Variants in MMP21 observed in about 807,000 individuals in gnomAD.
MMP21 encodes matrix metalloproteinase-21.
Under a neutral mutation model 47.8 loss-of-function variants are expected in MMP21, and 40 were observed. The observed-to-expected ratio is 0.84, with a 90% CI of 0.65 to 1.09. The LOEUF (loss-of-function observed/expected upper bound fraction) is 1.09, where lower values mean the gene tolerates loss of function less well. Among genes scored for constraint, MMP21 ranks in the 50% least tolerant of loss-of-function variants. The pLI is 0.00. For missense variants in MMP21, 747 were observed against 775.3 expected (o/e 0.96, Z 0.43); for synonymous variants, 341 against 318.0 (o/e 1.07, Z -0.77).
Position 125,772,824 on chromosome 10 carries a change from C to T in MMP21, c.698-74G>A, listed in dbSNP as rs1352921760. ...CATACAGACTCCTCACCTAGGGGGT[C>T]CCCAGCCTCCAGGAGCCGGCAGCAG... On this transcript the variant is annotated intron_variant, in intron 2 of 6. Transcript: ENST00000368808. The surrounding 1 kb of genome is among the most constrained non-coding windows in gnomAD (Gnocchi z 5.6). 1 of 1,547,010 alleles carries T rather than the reference C, an allele frequency of 6.5e-7. No homozygotes were observed. Among genetic ancestry groups the T allele is most frequent in the Non-Finnish European group, 8.8e-7 (1 of 1,139,620 alleles).
chr10:125,767,754 G>A (rs773068756), intron 5 of MMP21, 50 bp from the exon 6 acceptor site: 9 of 1,571,950 alleles, frequency 5.7e-6, no homozygotes, highest in Admixed American at 1.7e-5. Flanking sequence ...ATTAAATCAC[G>A]TGACAAAAAG....
Position 125,772,403 on chromosome 10 carries a change from G to C in MMP21, c.838-44C>G. ...CATGGGTGCTGGGTGAAGCCTGGGC[G>C]ATGGATCCCTGCATAACAGACGCAG... On this transcript the variant is annotated intron_variant, in intron 3 of 6. Transcript: ENST00000368808. The surrounding 1 kb of genome is among the most constrained non-coding windows in gnomAD (Gnocchi z 5.6). The C allele has an allele frequency of 6.2e-7, 1 of 1,611,610 alleles. No homozygotes were observed. Among genetic ancestry groups the C allele is most frequent in the Non-Finnish European group, 8.5e-7 (1 of 1,178,790 alleles).
chr10:125,770,693 TC>T, intron 4 of MMP21, 102 bp from the exon 5 acceptor site: 1 of 1,352,960 alleles, frequency 7.4e-7, no homozygotes, highest in Non-Finnish European at 1.0e-6. Flanking sequence ...GCTGGGGCTT[TC>T]TATAAAAACA....
chr10:125,766,675 G>A lies in MMP21; in HGVS notation c.1697C>T (p.Thr566Ile). ...WFDVCDVHIS[T>I]LNM ...TACTTTTTCTTATTACATGTTCAGT[G>A]TGGAGATATGGACGTCACAAACATC... Residue 566 changes from threonine to isoleucine, a missense_variant, in exon 7 of 7, where the codon ACA (threonine) becomes ATA (isoleucine). By Grantham distance (89) the Thr-to-Ile change is moderately conservative. Transcript: ENST00000368808. 6.2e-7 allele frequency: 1 copy of A among 1,608,320 alleles called. No individual in the cohort carries two copies. Among genetic ancestry groups the A allele is most frequent in the Non-Finnish European group, 8.5e-7 (1 of 1,177,890 alleles).
At position 125,767,551 on chromosome 10, in the gene MMP21, T is replaced by G; in HGVS notation, c.1391A>C (p.Tyr464Ser). ...AFYDRRQKLI[Y>S]FFKESLVFAF... is the part of the protein sequence containing the mutation. Reference sequence around the variant, plus strand: ...ACTTACAAGGGACTCCTTGAAGAAGTAAATTAACTTCTGTCTTCGGTCATA... The same window carrying G: ...ACTTACAAGGGACTCCTTGAAGAAGGAAATTAACTTCTGTCTTCGGTCATA... Residue 464 changes from tyrosine to serine, a missense_variant, in exon 6 of 7, where the codon TAC becomes TCC. Transcript: ENST00000368808. 6.2e-7 allele frequency: 1 copy of G among 1,614,154 alleles called. No homozygotes were observed. The highest frequency in any genetic ancestry group is 1.1e-5 in the South Asian group (1 of 91,084).
intron 5 of MMP21, 99 bp downstream of exon 5, chr10:125,770,235 A>T: frequency 8.1e-7 from 1 of 1,237,226 alleles, no homozygotes; most frequent in South Asian, 1.4e-5. Context: ...AAGTAATGAC[A>T]AGAGCATTAC....
intron 5 of MMP21, 143 bp downstream of exon 5, chr10:125,770,191 G>A: frequency 1.1e-6 from 1 of 882,796 alleles, no homozygotes; most frequent in Non-Finnish European, 1.8e-6. Flanking sequence ...TGCCCTCAGA[G>A]CTTCCAGTCT....
chr10:125,773,736 A>G lies in MMP21; in HGVS notation c.697+95T>C. ...CCCCCGGGACAGGCCGGGAGGGCTT[A>G]GCCCCCCATTCTGCAGGTGGCCGAG... On this transcript the variant is annotated intron_variant, in intron 2 of 6. Coordinates refer to ENST00000368808, the MANE Select transcript of MMP21 (RefSeq NM_147191.1). This position sits in a 1 kb window ranked among gnomAD's most constrained non-coding sequence, Gnocchi z 4.8. 1 of 1,410,318 alleles carries G rather than the reference A, an allele frequency of 7.1e-7. No homozygotes were observed. Among genetic ancestry groups the G allele is most frequent in the Non-Finnish European group, 9.2e-7 (1 of 1,084,786 alleles). The allele number at this position is 1,410,318 out of a possible 1,614,324, so 87.4% of individuals were successfully genotyped here. A position where few individuals can be genotyped will look rare whatever the true frequency, so the allele number is the denominator to read the frequency against.
rs1414228395 is a variant in MMP21 at position 125,772,174 on chromosome 10, A to T, written c.979+44T>A. The T allele has an allele frequency of 5.0e-6, 8 of 1,610,070 alleles. No homozygotes were observed. The African/African-American group carries it at 1.1e-4, about 22-fold the overall frequency. On this transcript the variant is annotated intron_variant, in intron 4 of 6. Coordinates refer to ENST00000368808, the MANE Select transcript of MMP21 (RefSeq NM_147191.1). The surrounding 1 kb of genome is among the most constrained non-coding windows in gnomAD (Gnocchi z 5.6). ...GGGGTCCTACAGTGCTCTGGAATAC[A>T]GTGTCCTCCGCTAGCTCAGGGATGC...
Position 125,774,031 on chromosome 10 carries a change from C to T in MMP21, c.497G>A (p.Gly166Glu), listed in dbSNP as rs760126531. The change falls in exon 2 of 7, where the codon GGA (glycine) becomes GAA (glutamate). Residue 166 changes from glycine (G) to glutamate (E), a missense_variant. Gly to Glu is a moderately conservative substitution (Grantham distance 98). Transcript: ENST00000368808. The part of the protein sequence containing the change: ...GWQPRGYPDG[G>E]AAQAFSKRTL... The stretch of plus-strand genomic sequence containing the variant: ...CCTCTTGGAGAAGGCCTGGGCAGCT[C>T]CGCCGTCGGGGTAGCCCCGGGGCTG... 6.7e-7 allele frequency: 1 copy of T among 1,501,338 alleles called. No homozygotes were observed. The highest frequency in any genetic ancestry group is 1.2e-5 in the South Asian group (1 of 80,948). The allele number at this position is 1,501,338 out of a possible 1,614,324, so 93.0% of individuals were successfully genotyped here. A position where few individuals can be genotyped will look rare whatever the true frequency, so the allele number is the denominator to read the frequency against.
rs1461763682 is a variant in MMP21, at chr10:125,767,521, C to A, written c.1410+11G>T. ...CAGAAGCATTGCTAGGCTGAAGAGC[C>A]TTCTACTTACAAGGGACTCCTTGAA... On this transcript the variant is annotated intron_variant, in intron 6 of 6. Transcript: ENST00000368808. 4 of 1,612,526 alleles carry A rather than the reference C, an allele frequency of 2.5e-6. No individual in the cohort carries two copies. The highest frequency in any genetic ancestry group is 3.4e-6 in the Non-Finnish European group (4 of 1,178,944).
intron 5 of MMP21, among the ~76,000 whole-genome samples, chr10:125,769,180 G>A (rs1275727380): frequency 6.6e-6 from 1 of 152,116 alleles, no homozygotes; most frequent in African/African-American, 2.4e-5. Flanking sequence ...CTCGTGCACC[G>A]GGTCCAGGGT....
Position 125,775,649 on chromosome 10 carries a change from C to A in MMP21, c.162+11G>T. ...CCTGGGGGTATTGCTGTTCTTCCAG[C>A]TTCCTCCTACCTGAGCAGCGTGGAG... On this transcript the variant is annotated intron_variant, in intron 1 of 6. Transcript: ENST00000368808. 1 of 1,592,980 alleles carries A rather than the reference C, an allele frequency of 6.3e-7. No homozygotes were observed. Among genetic ancestry groups the A allele is most frequent in the Non-Finnish European group, 8.6e-7 (1 of 1,168,168 alleles).
chr10:125,772,487 G>A lies in MMP21; in HGVS notation c.837+124C>T, dbSNP rs1285673645. On this transcript the variant is annotated intron_variant, in intron 3 of 6. Coordinates refer to ENST00000368808, the MANE Select transcript of MMP21 (RefSeq NM_147191.1). This position sits in a 1 kb window ranked among gnomAD's most constrained non-coding sequence, Gnocchi z 5.6. ...AGGGGAGCACCGGTGGAACTGGGGA[G>A]CCATTCCACGGATTCACCTCCTCAG... The A allele has an allele frequency of 6.4e-7, 1 of 1,558,844 alleles. No homozygotes were observed. The highest frequency in any genetic ancestry group is 2.3e-5 in the East Asian group (1 of 44,422).
chr10:125,767,174 G>C (rs1850396249), intron 6 of MMP21, among the ~76,000 whole-genome samples: 1 of 152,020 alleles, frequency 6.6e-6, no homozygotes, highest in South Asian at 2.1e-4. Context: ...TCTTGCCCAG[G>C]CTGGACTGGA....
Position 125,773,199 on chromosome 10 carries a change from G to C in MMP21, c.698-449C>G, listed in dbSNP as rs999173633. On this transcript the variant is annotated intron_variant, in intron 2 of 6. Coordinates refer to ENST00000368808, the MANE Select transcript of MMP21 (RefSeq NM_147191.1). The surrounding 1 kb of genome is among the most constrained non-coding windows in gnomAD (Gnocchi z 4.8). ...CCAGAAGACAGCCCTGAGCACCCCC[G>C]GGTCACAGATGGGGCTGCAAAGCGG... 6.6e-6 allele frequency among the ~76,000 whole-genome samples: 1 copy of C among 152,082 alleles called. No individual in the cohort carries two copies.
intron 6 of MMP21, 123 bp downstream of exon 6, chr10:125,767,409 G>T: frequency 1.1e-6 from 1 of 950,128 alleles, no homozygotes; most frequent in Non-Finnish European, 1.5e-6. Flanking sequence ...CCCAAAGTGC[G>T]GGATTACAGG....
Position 125,774,053 on chromosome 10 carries a change from G to T in MMP21, c.475C>A (p.Pro159Thr). The T allele has an allele frequency of 6.8e-7, 1 of 1,460,462 alleles. No individual in the cohort carries two copies. 90.5% of individuals were successfully genotyped at this position (1,460,462 alleles called of 1,614,324 possible). Residue 159 changes from proline to threonine, a missense_variant, in exon 2 of 7, where the codon CCC (proline) becomes ACC (threonine). Pro to Thr is a conservative substitution (Grantham distance 38, BLOSUM62 -1). Transcript: ENST00000368808. ...GCTCCGCCGTCGGGGTAGCCCCGGG[G>T]CTGCCAACCCCGCCGGGACAAGGAC... ...PLSLSRRGWQPRGYPDGGAAQ... is the reference protein window; with the variant it reads ...PLSLSRRGWQTRGYPDGGAAQ...
rs1033697269 is a variant in MMP21, at chr10:125,772,597, T to G, written c.837+14A>C. 1 of 1,614,118 alleles carries G rather than the reference T, an allele frequency of 6.2e-7. No individual in the cohort carries two copies. Among genetic ancestry groups the G allele is most frequent in the African/African-American group, 1.3e-5 (1 of 74,944 alleles). ...GCTGGTGTCTTATCAACACAGTGGC[T>G]CAGGACCACTGACCTTGAGAAGGCT... On this transcript the variant is annotated intron_variant, in intron 3 of 6. Coordinates refer to ENST00000368808, the MANE Select transcript of MMP21 (RefSeq NM_147191.1). The surrounding 1 kb of genome is among the most constrained non-coding windows in gnomAD (Gnocchi z 5.6).
Sources: gnomAD v4.1 joint callset for allele counts (sites outside exome capture counted in the v4.1 genomes callset) on GRCh38, gnomAD v4.1.1 for gene constraint, Gnocchi (gnomAD v3.1) non-coding constraint, MANE v1.5 for transcripts, NCBI Gene and HGNC (gene_info 2026-07-23, HGNC 2026-07-21) for gene names.